Variants in NEGR1 observed in about 807,000 individuals in gnomAD.
NEGR1 encodes the protein neuronal growth regulator 1.
NEGR1 carries 10 observed loss-of-function variants against 40.9 expected under a neutral mutation model. That is an observed-to-expected ratio of 0.24 (90% CI 0.15 to 0.42). The LOEUF is 0.42. Ranked by LOEUF, NEGR1 falls within the 10% of genes least tolerant of loss-of-function variation. NEGR1 has a pLI of 1.00. For missense variants in NEGR1, 352 were observed against 438.9 expected (o/e 0.80, Z 1.77); for synonymous variants, 185 against 166.8 (o/e 1.11, Z -0.84).
At chr1:71,417,095 ACT>A (rs1326925499) in intron 6 of NEGR1, among the ~76,000 whole-genome samples, 17 of 152,084 alleles carry the variant, frequency 1.1e-4, no homozygotes, top group Non-Finnish European at 2.1e-4. Flanking sequence ...TTATTACCTA[ACT>A]CTGGTTGAAT....
In NEGR1 at chr1:71,585,327, C is replaced by T. The variant is rs752971865; in HGVS notation, c.940+7490G>A. 1.5e-4 allele frequency among the ~76,000 whole-genome samples: 23 copies of T among 152,018 alleles called. 1 individual carries two copies. In the South Asian group the frequency reaches 3.5e-3, roughly 23 times the overall value. Reference sequence around the variant, plus strand: ...AACATGGAGACTAGTTAGTCTAGTCCCCTCATATTATAAATTGGTATGCTG... The same window carrying T: ...AACATGGAGACTAGTTAGTCTAGTCTCCTCATATTATAAATTGGTATGCTG... On this transcript the variant is annotated intron_variant, in intron 6 of 6. Transcript: ENST00000357731.
Position 71,403,238 on chromosome 1 carries a change from C to A in NEGR1, c.*4208G>T, listed in dbSNP as rs925690116. The A allele has an allele frequency of 1.3e-5, 2 of 151,930 alleles. No individual in the cohort carries two copies. Among genetic ancestry groups the A allele is most frequent in the Non-Finnish European group, 2.9e-5 (2 of 67,922 alleles). The allele number at this position is 151,930 out of a possible 1,614,324, so 9.4% of individuals were successfully genotyped here. The stretch of plus-strand genomic sequence containing the variant: ...AAACTAAAGGTTCTCAGCCAAATAA[C>A]GTGTTTTGCTTGGAAACCAAGGTAT... On this transcript the variant is annotated 3_prime_UTR_variant, in exon 7 of 7. Transcript: ENST00000357731.
chr1:72,030,368 G>A (rs1646846681), intron 1 of NEGR1, among the ~76,000 whole-genome samples: 3 of 151,932 alleles, frequency 2.0e-5, no homozygotes, highest in East Asian at 1.9e-4. Flanking sequence ...CACCATGCCC[G>A]GCTAATAACT....
intron 1 of NEGR1, among the ~76,000 whole-genome samples, chr1:71,978,946 A>G (rs901519857): frequency 7.9e-5 from 12 of 152,324 alleles, no homozygotes; most frequent in African/African-American, 2.9e-4. Flanking sequence ...AAAGACATGG[A>G]ATCTACCTAA....
At chr1:72,154,827 A>G (rs904093018) in intron 1 of NEGR1, among the ~76,000 whole-genome samples, 1 of 152,026 alleles carries the variant, frequency 6.6e-6, no homozygotes, top group South Asian at 2.1e-4. Context: ...TTAATACATT[A>G]TCCTTCAGGA....
At chr1:71,819,128 A>G (rs180685127) in intron 2 of NEGR1, among the ~76,000 whole-genome samples, 1 of 151,976 alleles carries the variant, frequency 6.6e-6, no homozygotes, top group Non-Finnish European at 1.5e-5. Flanking sequence ...ACACAGAAAA[A>G]GTGATGTTGG....
chr1:71,697,806 T>G (rs1653530333), intron 4 of NEGR1: 2 of 556,940 alleles, frequency 3.6e-6, no homozygotes, highest in East Asian at 6.1e-5. Context: ...TCAGACTGAA[T>G]TATTGTGGGT....
chr1:72,279,688 TA>T (rs111777238), intron 1 of NEGR1, among the ~76,000 whole-genome samples: 306 of 152,264 alleles, frequency 2.0e-3, no homozygotes, highest in African/African-American at 6.8e-3. Context: ...TACTCTTGAT[TA>T]AAAAACGATG....
rs1023294838 is a variant in NEGR1, at chr1:71,433,235, C to T, written c.941-25665G>A. Reference sequence around the variant, plus strand: ...TTCTCTTATTTATAAATTGTTCAGTCTCAAGTATTTTATTAGAGCAACATG... The same window carrying T: ...TTCTCTTATTTATAAATTGTTCAGTTTCAAGTATTTTATTAGAGCAACATG... On this transcript the variant is annotated intron_variant, in intron 6 of 6. Coordinates refer to ENST00000357731, the MANE Select transcript of NEGR1 (RefSeq NM_173808.3). Among the ~76,000 whole-genome samples, 110 of 152,258 alleles carry T rather than the reference C, an allele frequency of 7.2e-4. 1 individual carries two copies. The highest frequency in any genetic ancestry group is 4.4e-5 in the Non-Finnish European group (3 of 68,034).
intron 1 of NEGR1, among the ~76,000 whole-genome samples, chr1:72,022,238 A>G (rs1646766065): frequency 6.8e-6 from 1 of 146,406 alleles, no homozygotes; most frequent in Non-Finnish European, 1.5e-5. Flanking sequence ...GAAGCTGACA[A>G]TAGAAAATTA....
intron 4 of NEGR1, among the ~76,000 whole-genome samples, chr1:71,695,399 A>G (rs1342519124): frequency 6.6e-6 from 1 of 151,730 alleles, no homozygotes; most frequent in Non-Finnish European, 1.5e-5. Context: ...ACAAGTTAAT[A>G]TTATGTCTGC....
chr1:71,593,029 T>C (rs1649559556), intron 5 of NEGR1, 61 bp from the exon 6 acceptor site: 2 of 1,303,464 alleles, frequency 1.5e-6, no homozygotes, highest in Non-Finnish European at 2.2e-6. Context: ...CATTTTTTTA[T>C]CTTAGCTGGG....
intron 6 of NEGR1, among the ~76,000 whole-genome samples, chr1:71,498,128 C>T (rs1646977145): frequency 6.7e-6 from 1 of 150,080 alleles, no homozygotes; most frequent in Non-Finnish European, 1.5e-5. Flanking sequence ...ATGAACTCAT[C>T]TAATAGTTGA....
intron 3 of NEGR1, among the ~76,000 whole-genome samples, chr1:71,737,598 A>G (rs1393715143): frequency 1.3e-5 from 2 of 152,106 alleles, no homozygotes; most frequent in Non-Finnish European, 2.9e-5. Context: ...ATTTTATTTT[A>G]TTTTGATTTA....
At chr1:72,233,905 C>T (rs1323618796) in intron 1 of NEGR1, among the ~76,000 whole-genome samples, 1 of 151,998 alleles carries the variant, frequency 6.6e-6, no homozygotes, top group African/African-American at 2.4e-5. Flanking sequence ...ATTTACATTC[C>T]CACCAACTGT....
At chr1:71,621,010 G>A (rs989176836) in intron 4 of NEGR1, among the ~76,000 whole-genome samples, 11 of 151,986 alleles carry the variant, frequency 7.2e-5, no homozygotes, top group Admixed American at 5.9e-4. Flanking sequence ...TGAGTTAGTT[G>A]TCAATAAAAA....
chr1:71,491,620 T>C (rs1646928365), intron 6 of NEGR1, among the ~76,000 whole-genome samples: 1 of 151,666 alleles, frequency 6.6e-6, no homozygotes, highest in Non-Finnish European at 1.5e-5. Flanking sequence ...CAGCAGAGTG[T>C]TTGTTCTCAC....
At chr1:71,801,498 G>T (rs1328397935) in intron 2 of NEGR1, among the ~76,000 whole-genome samples, 1 of 152,212 alleles carries the variant, frequency 6.6e-6, no homozygotes, top group Non-Finnish European at 1.5e-5. Context: ...GAAAACTCTT[G>T]TTATTTCCAC....
chr1:72,216,571 T>C (rs1441074980), intron 1 of NEGR1, among the ~76,000 whole-genome samples: 1 of 151,044 alleles, frequency 6.6e-6, no homozygotes, highest in Non-Finnish European at 1.5e-5. Context: ...TTATCAAATA[T>C]TGTGGCCAAT....
Sources: allele counts gnomAD v4.1 joint callset (sites outside exome capture counted in the v4.1 genomes callset), GRCh38; gene constraint gnomAD v4.1.1; transcripts MANE v1.5; gene names NCBI Gene and HGNC (gene_info 2026-07-23, HGNC 2026-07-21).